RAPGEF4: variants seen among roughly 807,000 people sequenced by gnomAD.
RAPGEF4 encodes the protein Rap guanine nucleotide exchange factor 4, also known as RAP guanine-nucleotide-exchange factor (GEF) 4.
A neutral mutation model predicts 147.9 loss-of-function variants in RAPGEF4; 66 were observed. The observed-to-expected ratio is 0.45, with a 90% CI of 0.37 to 0.55. The LOEUF (loss-of-function observed/expected upper bound fraction) is 0.55, where lower values mean the gene tolerates loss of function less well. Among genes scored for constraint, RAPGEF4 ranks in the 20% least tolerant of loss-of-function variants. RAPGEF4 has a pLI of 0.00. For missense variants in RAPGEF4, 1,071 were observed against 1,257.3 expected (o/e 0.85, Z 2.24); for synonymous variants, 419 against 442.7 (o/e 0.95, Z 0.67).
chr2:172,773,652 C>CCG (rs1683869748), intron 1 of RAPGEF4, among the ~76,000 whole-genome samples: 1 of 134,020 alleles, frequency 7.5e-6, no homozygotes. Context: ...CTGCCCCCCC[C>CCG]GCGGACCATC....
rs371170284 is a variant in RAPGEF4, at chr2:172,891,046, G to A, written c.445-26756G>A. Among the ~76,000 whole-genome samples the A allele has an allele frequency of 5.3e-4, 81 of 152,288 alleles. No individual in the cohort carries two copies. In the South Asian group the frequency reaches 0.016, roughly 30 times the overall value. ...CGTGGGAGGCTGAGGCATGAGAATC[G>A]CTTGAACCTGGGAGGTGGAGGTTGC... On this transcript the variant is annotated intron_variant, in intron 4 of 30. Transcript: ENST00000397081.
At chr2:172,756,158 A>C (rs537305072) in intron 1 of RAPGEF4, among the ~76,000 whole-genome samples, 3 of 152,316 alleles carry the variant, frequency 2.0e-5, no homozygotes, top group African/African-American at 7.2e-5. Flanking sequence ...TAAGGTTCAA[A>C]TATTGTTTCG....
chr2:172,820,571 G>T (rs74564209), intron 4 of RAPGEF4, among the ~76,000 whole-genome samples: 2,241 of 152,202 alleles, frequency 0.015, 61 homozygotes, highest in African/African-American at 0.05. Context: ...CCGTTGCTTG[G>T]ATATAATGAT....
intron 10 of RAPGEF4, among the ~76,000 whole-genome samples, chr2:172,983,267 G>A (rs1335603266): frequency 6.6e-6 from 1 of 152,194 alleles, no homozygotes; most frequent in Non-Finnish European, 1.5e-5. Flanking sequence ...GAGATCAGAA[G>A]AGAAGGGATC....
intron 8 of RAPGEF4, 92 bp downstream of exon 8, chr2:172,961,320 C>A: frequency 9.6e-7 from 1 of 1,039,088 alleles, no homozygotes; most frequent in Non-Finnish European, 1.5e-6. Flanking sequence ...TCCATGTGGG[C>A]GCAGCCCATT....
intron 4 of RAPGEF4, among the ~76,000 whole-genome samples, chr2:172,889,082 T>G (rs560250987): frequency 3.3e-5 from 5 of 152,336 alleles, no homozygotes; most frequent in African/African-American, 1.2e-4. Flanking sequence ...GCAGTTTAGA[T>G]CTAATTTTAA....
chr2:173,026,058 G>C (rs1171758576), intron 23 of RAPGEF4, among the ~76,000 whole-genome samples: 3 of 152,262 alleles, frequency 2.0e-5, no homozygotes, highest in Admixed American at 6.5e-5. Context: ...AGTTCACAGA[G>C]CTTTCCATTC....
chr2:172,915,013 T>C (rs1476740398), intron 4 of RAPGEF4, among the ~76,000 whole-genome samples: 2 of 152,270 alleles, frequency 1.3e-5, no homozygotes, highest in African/African-American at 4.8e-5. Flanking sequence ...GGTTTTATTC[T>C]AGTTAGCTGT....
At chr2:172,907,877 G>A (rs904518177) in intron 4 of RAPGEF4, among the ~76,000 whole-genome samples, 1 of 152,112 alleles carries the variant, frequency 6.6e-6, no homozygotes, top group African/African-American at 2.4e-5. Flanking sequence ...ATATGTGCAG[G>A]GAACTGTTAT....
At chr2:172,780,611 G>T (rs1390198825) in intron 1 of RAPGEF4, among the ~76,000 whole-genome samples, 5 of 152,128 alleles carry the variant, frequency 3.3e-5, no homozygotes, top group African/African-American at 1.2e-4. Context: ...GTTGCCTTTA[G>T]CTCAAAATAA....
intron 1 of RAPGEF4, among the ~76,000 whole-genome samples, chr2:172,780,852 A>C (rs1462639664): frequency 6.6e-6 from 1 of 152,244 alleles, no homozygotes. Flanking sequence ...TTATTGTATT[A>C]AAATATTGTA....
intron 1 of RAPGEF4, among the ~76,000 whole-genome samples, chr2:172,757,059 C>CTGAG (rs1463734377): frequency 6.6e-6 from 1 of 152,244 alleles, no homozygotes; most frequent in Non-Finnish European, 1.5e-5. Flanking sequence ...TGAAAACCTG[C>CTGAG]TGAGATCTTG....
chr2:173,002,666 C>A (rs1694050276), intron 17 of RAPGEF4, among the ~76,000 whole-genome samples: 1 of 143,554 alleles, frequency 7.0e-6, no homozygotes, highest in African/African-American at 2.6e-5. Flanking sequence ...GCATGTTTTC[C>A]TCATTCAAGA....
intron 4 of RAPGEF4, among the ~76,000 whole-genome samples, chr2:172,888,237 A>T (rs776947071): frequency 2.6e-5 from 4 of 152,196 alleles, no homozygotes; most frequent in Non-Finnish European, 5.9e-5. Context: ...TTTAGGAATT[A>T]TTTTTGTTCT....
intron 10 of RAPGEF4, 28 bp downstream of exon 10, chr2:172,967,472 C>T (rs776220130): frequency 6.3e-7 from 1 of 1,599,274 alleles, no homozygotes; most frequent in Non-Finnish European, 8.5e-7. Context: ...GCTCACCCCT[C>T]CAGGTCCCAA....
At chr2:172,876,084 C>T (rs372798584) in intron 4 of RAPGEF4, among the ~76,000 whole-genome samples, 2 of 152,082 alleles carry the variant, frequency 1.3e-5, no homozygotes, top group Non-Finnish European at 2.9e-5. Context: ...GTGATTTTTG[C>T]ACATTGATTT....
At chr2:172,856,915 GTT>G (rs1693475280) in intron 4 of RAPGEF4, among the ~76,000 whole-genome samples, 1 of 152,116 alleles carries the variant, frequency 6.6e-6, no homozygotes, top group East Asian at 1.9e-4. Flanking sequence ...TAGATGAAAA[GTT>G]ATAAAAATTG....
chr2:172,983,680 T>A lies in RAPGEF4; in HGVS notation c.1089+100T>A, dbSNP rs1311012685. ...CGGTGTTGTGGGGGGAAAGAATGTC[T>A]GATTTTCACCTCATAAATCACCTCT... is the stretch of plus-strand genomic sequence containing the variant. On this transcript the variant is annotated intron_variant, in intron 11 of 30. Coordinates refer to ENST00000397081, the MANE Select transcript of RAPGEF4 (RefSeq NM_007023.4). The A allele has an allele frequency of 6.0e-6, 9 of 1,500,092 alleles. No homozygotes were observed. The South Asian group carries it at 8.2e-5, about 14-fold the overall frequency. The allele number at this position is 1,500,092 out of a possible 1,614,324, so 92.9% of individuals were successfully genotyped here.
intron 29 of RAPGEF4, among the ~76,000 whole-genome samples, chr2:173,037,959 G>T (rs906334110): frequency 2.6e-5 from 4 of 152,152 alleles, no homozygotes; most frequent in African/African-American, 9.7e-5. Flanking sequence ...GAAACACCCT[G>T]CAGTCAGCCT....
Sources: allele counts gnomAD v4.1 joint callset (sites outside exome capture counted in the v4.1 genomes callset), GRCh38; gene constraint gnomAD v4.1.1; transcripts MANE v1.5; gene names NCBI Gene and HGNC (gene_info 2026-07-23, HGNC 2026-07-21).